The following CACNA1D variants were observed in gnomAD, a reference collection of about 807,000 sequenced individuals.
CACNA1D encodes the protein calcium voltage-gated channel subunit alpha1 D, also known as voltage-dependent L-type calcium channel subunit alpha-1D.
A neutral mutation model predicts 257.1 loss-of-function variants in CACNA1D; 55 were observed. The observed-to-expected ratio is 0.21, with a 90% CI of 0.17 to 0.27. The LOEUF is 0.27. Among genes scored for constraint, CACNA1D ranks in the 10% least tolerant of loss-of-function variants. The probability of loss-of-function intolerance (pLI) is 1.00; values close to 1 mark genes in which losing one functional copy is unlikely to be tolerated. For synonymous variants in CACNA1D, 980 were observed against 1,014.9 expected (o/e 0.97, Z 0.65); for missense variants, 1,876 against 2,784.0 (o/e 0.67, Z 7.34).
intron 3 of CACNA1D, among the ~76,000 whole-genome samples, chr3:53,555,973 G>GTCC (rs2092638283): frequency 2.0e-5 from 3 of 152,114 alleles, no homozygotes; most frequent in Admixed American, 2.0e-4. Flanking sequence ...GCCTCTTGTA[G>GTCC]TCCTATTCTT....
rs757830356 is a variant in CACNA1D, at chr3:53,751,767, G to A, written c.3535G>A (p.Ala1179Thr). The change falls in exon 28 of 48, where the codon GCC becomes ACC. Residue 1179 changes from alanine to threonine, a missense_variant. Physicochemically the swap from Ala to Thr is moderately conservative, Grantham distance 58. Around this residue, in one of 10 missense-constraint regions of CACNA1D, gnomAD observed 204 missense variants for 309.4 expected, o/e 0.66. Coordinates refer to ENST00000350061, the MANE Select transcript of CACNA1D (RefSeq NM_001128840.3). This position sits in a 1 kb window ranked among gnomAD's most constrained non-coding sequence, Gnocchi z 4.3. ...DKNQRQCVEY[A>T]LKARPLRRYI... ...GTTGCAGCGTCAGTGTGTTGAATAC[G>A]CCTTGAAAGCACGTCCCTTGCGGAG... 6.2e-6 allele frequency: 10 copies of A among 1,614,002 alleles called. 1 individual carries two copies. Among genetic ancestry groups the A allele is most frequent in the African/African-American group, 4.0e-5 (3 of 74,898 alleles).
intron 3 of CACNA1D, among the ~76,000 whole-genome samples, chr3:53,621,178 A>G (rs1464865584): frequency 2.0e-5 from 3 of 152,198 alleles, no homozygotes; most frequent in Non-Finnish European, 4.4e-5. Flanking sequence ...GTGAATTCCC[A>G]GAAATCAATA....
intron 3 of CACNA1D, among the ~76,000 whole-genome samples, chr3:53,623,926 G>A (rs1237920094): frequency 2.0e-5 from 3 of 152,174 alleles, no homozygotes; most frequent in Non-Finnish European, 2.9e-5. Flanking sequence ...ATTAGTGATC[G>A]GGGACGGTGC....
intron 3 of CACNA1D, among the ~76,000 whole-genome samples, chr3:53,642,173 C>T (rs12630602): frequency 0.01 from 1,576 of 152,286 alleles, 41 homozygotes; most frequent in East Asian, 0.085. Flanking sequence ...TTCTGAGTTT[C>T]GCTGGCTGGC....
At chr3:53,542,074 A>G (rs1198199372) in intron 3 of CACNA1D, among the ~76,000 whole-genome samples, 2 of 152,182 alleles carry the variant, frequency 1.3e-5, no homozygotes, top group Admixed American at 6.5e-5. Flanking sequence ...AAGATTGACC[A>G]TGGTGCTGGT....
intron 3 of CACNA1D, among the ~76,000 whole-genome samples, chr3:53,573,692 C>T (rs2092988076): frequency 6.6e-6 from 1 of 152,224 alleles, no homozygotes; most frequent in African/African-American, 2.4e-5. Context: ...TGTTCTTTCA[C>T]TGTTGTATGT....
chr3:53,521,181 A>G (rs1156785525), intron 3 of CACNA1D, among the ~76,000 whole-genome samples: 1 of 152,054 alleles, frequency 6.6e-6, no homozygotes, highest in Non-Finnish European at 1.5e-5. Context: ...CTAGGATTAC[A>G]GGTGTGTGCC....
chr3:53,811,233 A>G lies in CACNA1D; in HGVS notation c.6313A>G (p.Thr2105Ala), dbSNP rs756848314. 2 of 1,614,064 alleles carry G rather than the reference A, an allele frequency of 1.2e-6. No homozygotes were observed. Among genetic ancestry groups the G allele is most frequent in the South Asian group, 2.2e-5 (2 of 91,086 alleles). ...TIDEMESAAS[T>A]LLNGNVRPRA... ...CGACGAGATGGAGAGTGCAGCCAGC[A>G]CCCTGCTTAATGGGAACGTGCGTCC... Residue 2105 changes from threonine (T) to alanine (A), a missense_variant, in exon 48 of 48, where the codon ACC becomes GCC. Coordinates refer to ENST00000350061, the MANE Select transcript of CACNA1D (RefSeq NM_001128840.3). The surrounding 1 kb of genome is among the most constrained non-coding windows in gnomAD (Gnocchi z 4.2).
intron 11 of CACNA1D, among the ~76,000 whole-genome samples, chr3:53,720,713 T>C (rs2094874415): frequency 6.6e-6 from 1 of 152,220 alleles, no homozygotes; most frequent in Non-Finnish European, 1.5e-5. Context: ...ACACATCTAT[T>C]AGAGTGAATC....
At chr3:53,678,596 T>A (rs2094398592) in intron 8 of CACNA1D, among the ~76,000 whole-genome samples, 1 of 152,206 alleles carries the variant, frequency 6.6e-6, no homozygotes, top group Non-Finnish European at 1.5e-5. Context: ...TGTTTTTGAA[T>A]CTCGCCTCCT....
chr3:53,585,335 C>T (rs2093196810), intron 3 of CACNA1D, among the ~76,000 whole-genome samples: 1 of 152,126 alleles, frequency 6.6e-6, no homozygotes, highest in Non-Finnish European at 1.5e-5. Flanking sequence ...CTGGGGCATT[C>T]ATCAACAATG....
rs756884300 is a variant in CACNA1D, at chr3:53,810,045, C to T, written c.5939C>T (p.Ser1980Leu). Residue 1980 changes from serine (S) to leucine (L), a missense_variant, in exon 47 of 48, where the codon TCG (serine) becomes TTG (leucine). Transcript: ENST00000350061. Reference sequence around the variant, plus strand: ...TACTCACCGAGTCACTCGACCCGGTCGTGGGCCACCCCTCCAGCAACCCCT... The same window carrying T: ...TACTCACCGAGTCACTCGACCCGGTTGTGGGCCACCCCTCCAGCAACCCCT... ...QKYSPSHSTR[S>L]WATPPATPPY... is the part of the protein sequence containing the mutation. The T allele has an allele frequency of 3.7e-6, 6 of 1,613,854 alleles. No individual in the cohort carries two copies. Among genetic ancestry groups the T allele is most frequent in the Middle Eastern group, 1.6e-4 (1 of 6,084 alleles).
intron 21 of CACNA1D, among the ~76,000 whole-genome samples, 192 bp from the exon 22 acceptor site, chr3:53,742,819 A>C (rs1370922898): frequency 6.6e-6 from 1 of 152,252 alleles, no homozygotes; most frequent in African/African-American, 2.4e-5. Context: ...AAATGTATCC[A>C]AAATAAGCTG....
At position 53,811,484 on chromosome 3, in the gene CACNA1D, A is replaced by G. The variant is rs2095600836; in HGVS notation, c.*78A>G. On this transcript the variant is annotated 3_prime_UTR_variant, in exon 48 of 48. Coordinates refer to ENST00000350061, the MANE Select transcript of CACNA1D (RefSeq NM_001128840.3). This position sits in a 1 kb window ranked among gnomAD's most constrained non-coding sequence, Gnocchi z 4.2. ...AGGGGAAAAGTGCCTCATAGTTAGGAAAGTTTAGGCACTAGTTGGGAGTAA... is the reference window on the plus strand; with the variant it reads ...AGGGGAAAAGTGCCTCATAGTTAGGGAAGTTTAGGCACTAGTTGGGAGTAA... 8.1e-7 allele frequency: 1 copy of G among 1,231,828 alleles called. No homozygotes were observed. Among genetic ancestry groups the G allele is most frequent in the Non-Finnish European group, 1.1e-6 (1 of 897,810 alleles). 76.3% of individuals were successfully genotyped at this position (1,231,828 alleles called of 1,614,324 possible). A position where few individuals can be genotyped will look rare whatever the true frequency, so the allele number is the denominator to read the frequency against.
chr3:53,716,871 G>C (rs1447224822), intron 9 of CACNA1D, among the ~76,000 whole-genome samples: 1 of 152,142 alleles, frequency 6.6e-6, no homozygotes, highest in Non-Finnish European at 1.5e-5. Context: ...TCAGACCACT[G>C]GGTTCCTTGA....
rs766460754 is a variant in CACNA1D, at chr3:53,730,574, T to C, written c.2336+18T>C. The C allele has an allele frequency of 1.3e-6, 2 of 1,564,732 alleles. No homozygotes were observed. Among genetic ancestry groups the C allele is most frequent in the Non-Finnish European group, 1.8e-6 (2 of 1,135,836 alleles). ...ATTGCCAGGTAACCCTATTTTCCCC[T>C]GACGTGTTTGTCCAGGGGCTGTGTT... On this transcript the variant is annotated intron_variant, in intron 16 of 47. Coordinates refer to ENST00000350061, the MANE Select transcript of CACNA1D (RefSeq NM_001128840.3).
At chr3:53,576,483 C>T (rs937667706) in intron 3 of CACNA1D, among the ~76,000 whole-genome samples, 2 of 152,180 alleles carry the variant, frequency 1.3e-5, no homozygotes, top group Non-Finnish European at 2.9e-5. Flanking sequence ...CATAAGAACA[C>T]AAGAATCTCC....
At chr3:53,750,431 G>A (rs1239553796) in intron 27 of CACNA1D, among the ~76,000 whole-genome samples, 1 of 152,226 alleles carries the variant, frequency 6.6e-6, no homozygotes, top group Non-Finnish European at 1.5e-5. Flanking sequence ...GACGTCGCAA[G>A]CAAGAATGAT....
rs1349706254 is a variant in CACNA1D at position 53,709,732 on chromosome 3, C to G, written c.1390+6922C>G. Among the ~76,000 whole-genome samples the G allele has an allele frequency of 2.0e-5, 3 of 152,160 alleles. No individual in the cohort carries two copies. The East Asian group carries it at 5.8e-4, about 29-fold the overall frequency. ...GATCCTAGAGTCATTTCTCTCGTGA[C>G]CTGGTGGTCATGGGAGAGTCGTAGT... is the stretch of plus-strand genomic sequence containing the variant. On this transcript the variant is annotated intron_variant, in intron 9 of 47. Transcript: ENST00000350061.
Sources: gnomAD v4.1 joint callset for allele counts (sites outside exome capture counted in the v4.1 genomes callset) on GRCh38, gnomAD v4.1.1 for gene constraint, gnomAD v4.1.1 regional missense constraint, Gnocchi (gnomAD v3.1) non-coding constraint, MANE v1.5 for transcripts, NCBI Gene and HGNC (gene_info 2026-07-23, HGNC 2026-07-21) for gene names.